The following OLFM3 variants were observed in gnomAD, a reference collection of about 807,000 sequenced individuals.
The protein encoded by OLFM3 is noelin-3.
A neutral mutation model predicts 48.6 loss-of-function variants in OLFM3; 20 were observed. The ratio of observed to expected loss-of-function variants is 0.41; its 90% confidence interval spans 0.29 to 0.60. OLFM3 has a LOEUF of 0.60. Ranked by LOEUF, OLFM3 falls within the 20% of genes least tolerant of loss-of-function variation. OLFM3 has a pLI of 0.28. For missense variants in OLFM3, 437 were observed against 544.3 expected (o/e 0.80, Z 1.96); for synonymous variants, 222 against 198.1 (o/e 1.12, Z -1.01).
chr1:101,805,887 A>G (rs1401779426), intron 5 of OLFM3, among the ~76,000 whole-genome samples, 189 bp downstream of exon 5: 1 of 151,832 alleles, frequency 6.6e-6, no homozygotes, highest in African/African-American at 2.4e-5. Flanking sequence ...TGGAAGATGG[A>G]ACATTTTACT....
chr1:101,865,771 G>C (rs1197209647), intron 1 of OLFM3, among the ~76,000 whole-genome samples: 1 of 152,024 alleles, frequency 6.6e-6, no homozygotes, highest in Non-Finnish European at 1.5e-5. Flanking sequence ...GCTCAGAGTT[G>C]GCAAATTCAA....
chr1:101,900,796 G>C (rs1298244140), intron 1 of OLFM3, among the ~76,000 whole-genome samples: 1 of 152,034 alleles, frequency 6.6e-6, no homozygotes, highest in East Asian at 1.9e-4. Context: ...GAAAATGGGT[G>C]GCTAAAGTGG....
chr1:101,989,670 C>G (rs1385830809), intron 1 of OLFM3, among the ~76,000 whole-genome samples: 1 of 107,696 alleles, frequency 9.3e-6, no homozygotes, highest in African/African-American at 3.1e-5. Flanking sequence ...GGTGGATTTG[C>G]TACTGGATGA....
At chr1:101,876,011 G>A (rs1398310697) in intron 1 of OLFM3, among the ~76,000 whole-genome samples, 1 of 152,038 alleles carries the variant, frequency 6.6e-6, no homozygotes, top group Non-Finnish European at 1.5e-5. Context: ...TTCTCTGGCA[G>A]ATTCAGTTTT....
intron 1 of OLFM3, among the ~76,000 whole-genome samples, chr1:101,974,083 G>A (rs955166680): frequency 1.0e-4 from 15 of 150,202 alleles, no homozygotes; most frequent in Admixed American, 8.0e-4. Context: ...TGACTCTCCA[G>A]TAGTTAGCTT....
intron 1 of OLFM3, among the ~76,000 whole-genome samples, chr1:101,918,241 T>C (rs1658984664): frequency 6.6e-6 from 1 of 152,214 alleles, no homozygotes; most frequent in African/African-American, 2.4e-5. Context: ...AATTCAGCAA[T>C]TGCCCTAATA....
rs1292981864 is a variant in OLFM3, at chr1:101,802,824, T to C, written c.*1414A>G. ...CTTTTTAAATTGTAAAACCAACCTA[T>C]ATTAGTTTCCATAAAGCTGCCTTAG... On this transcript the variant is annotated 3_prime_UTR_variant, in exon 6 of 6. Coordinates refer to ENST00000370103, the MANE Select transcript of OLFM3 (RefSeq NM_058170.4). 6.6e-6 allele frequency: 1 copy of C among 151,658 alleles called. No individual in the cohort carries two copies. The highest frequency in any genetic ancestry group is 6.6e-5 in the Admixed American group (1 of 15,196). 9.4% of individuals were successfully genotyped at this position (151,658 alleles called of 1,614,324 possible). A position where few individuals can be genotyped will look rare whatever the true frequency, so the allele number is the denominator to read the frequency against.
At chr1:101,833,318 G>A (rs1655253930) in intron 2 of OLFM3, among the ~76,000 whole-genome samples, 1 of 152,226 alleles carries the variant, frequency 6.6e-6, no homozygotes, top group Admixed American at 6.5e-5. Flanking sequence ...GCTAGAGCTA[G>A]AGCTGTCTAA....
intron 1 of OLFM3, among the ~76,000 whole-genome samples, chr1:101,975,999 T>G (rs577711104): frequency 6.6e-6 from 1 of 152,032 alleles, no homozygotes; most frequent in East Asian, 2.0e-4. Context: ...CTAGCTATAC[T>G]TAAGTGGACA....
chr1:101,869,599 TGA>T (rs1656994564), intron 1 of OLFM3, among the ~76,000 whole-genome samples: 1 of 152,090 alleles, frequency 6.6e-6, no homozygotes, highest in Admixed American at 6.6e-5. Context: ...TTATGAAATG[TGA>T]GTACATGAAA....
At chr1:101,854,174 AT>A (rs955164469) in intron 1 of OLFM3, among the ~76,000 whole-genome samples, 17 of 148,958 alleles carry the variant, frequency 1.1e-4, no homozygotes, top group Non-Finnish European at 2.1e-4. Context: ...TTAAAAAAAA[AT>A]GGTTTAGAGA....
intron 1 of OLFM3, among the ~76,000 whole-genome samples, chr1:101,911,136 G>A (rs529169611): frequency 6.6e-6 from 1 of 152,234 alleles, no homozygotes; most frequent in East Asian, 1.9e-4. Flanking sequence ...AATTACTAAG[G>A]AGCTCAGTGG....
At chr1:101,809,167 A>G (rs1653926210) in intron 4 of OLFM3, among the ~76,000 whole-genome samples, 2 of 151,682 alleles carry the variant, frequency 1.3e-5, no homozygotes, top group Non-Finnish European at 3.0e-5. Context: ...GAAAATTATC[A>G]AAGAAATTAT....
At position 101,957,833 on chromosome 1, in the gene OLFM3, A is replaced by G. The variant is rs567357071; in HGVS notation, c.69+38915T>C. ...AGCAATAATAAGGAAGTGAGAATGG[A>G]AATTAGAGAAACTGTAGACAATACT... On this transcript the variant is annotated intron_variant, in intron 1 of 5. Coordinates refer to ENST00000370103, the MANE Select transcript of OLFM3 (RefSeq NM_058170.4). 3.3e-4 allele frequency among the ~76,000 whole-genome samples: 50 copies of G among 152,178 alleles called. No individual in the cohort carries two copies. In the South Asian group the frequency reaches 9.9e-3, roughly 30 times the overall value.
intron 1 of OLFM3, among the ~76,000 whole-genome samples, chr1:101,932,898 A>G (rs2339197): frequency 0.49 from 74,879 of 151,934 alleles, 19,008 homozygotes; most frequent in East Asian, 0.64. Context: ...AGGAATCTAA[A>G]GAATGCAATA....
intron 1 of OLFM3, 77 bp from the exon 2 acceptor site, chr1:101,837,102 A>G (rs1022699279): frequency 7.2e-7 from 1 of 1,393,896 alleles, no homozygotes; most frequent in Non-Finnish European, 9.8e-7. Context: ...TAGCATTTCA[A>G]GTAAAACACT....
At chr1:101,978,118 C>CA (rs777069636) in intron 1 of OLFM3, among the ~76,000 whole-genome samples, 31 of 151,992 alleles carry the variant, frequency 2.0e-4, no homozygotes, top group Non-Finnish European at 3.7e-4. Flanking sequence ...GGATTCTGTT[C>CA]AAAATGTTAT....
intron 1 of OLFM3, among the ~76,000 whole-genome samples, chr1:101,976,758 A>G (rs1375919598): frequency 1.3e-5 from 2 of 152,188 alleles, no homozygotes; most frequent in Non-Finnish European, 2.9e-5. Flanking sequence ...TATTCTGTAA[A>G]TTAGAAAAGT....
At chr1:101,941,095 A>C (rs1659781051) in intron 1 of OLFM3, among the ~76,000 whole-genome samples, 1 of 152,172 alleles carries the variant, frequency 6.6e-6, no homozygotes, top group African/African-American at 2.4e-5. Flanking sequence ...GTTGTTTCCC[A>C]TTTTACTTCA....
Sources: allele counts gnomAD v4.1 joint callset (sites outside exome capture counted in the v4.1 genomes callset), GRCh38; gene constraint gnomAD v4.1.1; transcripts MANE v1.5; gene names NCBI Gene and HGNC (gene_info 2026-07-23, HGNC 2026-07-21).